CNTN4: variants seen among roughly 807,000 people sequenced by gnomAD.
The protein encoded by CNTN4 is contactin-4.
Under a neutral mutation model 122.5 loss-of-function variants are expected in CNTN4, and 77 were observed. The observed-to-expected ratio is 0.63, with a 90% CI of 0.52 to 0.76. The LOEUF (loss-of-function observed/expected upper bound fraction) is 0.76, where lower values mean the gene tolerates loss of function less well. Ranked by LOEUF, CNTN4 falls within the 30% of genes least tolerant of loss-of-function variation. The pLI, the probability that CNTN4 is intolerant of heterozygous loss-of-function variation, is 0.00. For missense variants in CNTN4, 1,256 were observed against 1,259.1 expected (o/e 1.00, Z 0.04); for synonymous variants, 512 against 447.0 (o/e 1.15, Z -1.83).
At chr3:3,004,722 C>T (rs1696441168) in intron 14 of CNTN4, among the ~76,000 whole-genome samples, 1 of 152,222 alleles carries the variant, frequency 6.6e-6, no homozygotes, top group African/African-American at 2.4e-5. Context: ...TAGTTACTCT[C>T]TTCTCTTGCT....
At chr3:2,632,686 A>G (rs927422365) in intron 4 of CNTN4, among the ~76,000 whole-genome samples, 3 of 152,142 alleles carry the variant, frequency 2.0e-5, no homozygotes, top group African/African-American at 7.2e-5. Context: ...AGAGATAAAG[A>G]CCTCACATTC....
Position 2,491,239 on chromosome 3 carries a change from G to A in CNTN4, c.-88-80177G>A, listed in dbSNP as rs565448273. Among the ~76,000 whole-genome samples, 40 of 152,258 alleles carry A rather than the reference G, an allele frequency of 2.6e-4. No homozygotes were observed. The South Asian group carries it at 8.1e-3, about 31-fold the overall frequency. ...ATTGTGAACAAATTCACCCCCAAATGTATGAATTTATGATTATCAATAGAA... is the reference window on the plus strand; with the variant it reads ...ATTGTGAACAAATTCACCCCCAAATATATGAATTTATGATTATCAATAGAA... On this transcript the variant is annotated intron_variant, in intron 3 of 24. Coordinates refer to ENST00000418658, the MANE Select transcript of CNTN4 (RefSeq NM_175607.3).
chr3:2,710,423 C>G (rs954878588), intron 4 of CNTN4, among the ~76,000 whole-genome samples: 22 of 152,292 alleles, frequency 1.4e-4, no homozygotes, highest in African/African-American at 5.3e-4. Context: ...CAGCTGCACC[C>G]AGAATTTCTT....
intron 4 of CNTN4, among the ~76,000 whole-genome samples, chr3:2,646,617 A>G (rs542793914): frequency 6.0e-4 from 91 of 152,318 alleles, no homozygotes; most frequent in Middle Eastern, 3.4e-3. Context: ...TAGTAAGTGT[A>G]AGAGTGTTTT....
At chr3:2,606,430 C>T (rs988475695) in intron 4 of CNTN4, among the ~76,000 whole-genome samples, 4 of 152,090 alleles carry the variant, frequency 2.6e-5, no homozygotes, top group Non-Finnish European at 4.4e-5. Flanking sequence ...TGCAGCAAAC[C>T]ATTATGGCAC....
chr3:2,811,150 C>G (rs2092597074), intron 6 of CNTN4, among the ~76,000 whole-genome samples: 1 of 152,032 alleles, frequency 6.6e-6, no homozygotes, highest in Non-Finnish European at 1.5e-5. Flanking sequence ...TGGCTCACAC[C>G]TGTAATCCCA....
intron 13 of CNTN4, among the ~76,000 whole-genome samples, chr3:2,980,069 C>T (rs1693814801): frequency 6.6e-6 from 1 of 152,150 alleles, no homozygotes; most frequent in African/African-American, 2.4e-5. Context: ...ATAGGACTGA[C>T]AATGTCAACT....
intron 7 of CNTN4, among the ~76,000 whole-genome samples, chr3:2,820,286 T>A (rs923977547): frequency 2.0e-5 from 3 of 152,184 alleles, no homozygotes; most frequent in African/African-American, 7.2e-5. Context: ...GAAAACAGTT[T>A]ACTTACATAC....
intron 2 of CNTN4, among the ~76,000 whole-genome samples, chr3:2,231,851 G>C (rs2039499714): frequency 6.6e-6 from 1 of 152,026 alleles, no homozygotes; most frequent in Non-Finnish European, 1.5e-5. Context: ...TATGCTAATT[G>C]CAATTCAGAT....
intron 3 of CNTN4, among the ~76,000 whole-genome samples, chr3:2,431,115 T>G (rs1167872455): frequency 6.6e-6 from 1 of 152,206 alleles, no homozygotes; most frequent in African/African-American, 2.4e-5. Context: ...TCAGAGATAT[T>G]CATTGTAGCT....
At chr3:2,744,067 A>G (rs2089619355) in intron 5 of CNTN4, among the ~76,000 whole-genome samples, 1 of 152,132 alleles carries the variant, frequency 6.6e-6, no homozygotes, top group African/African-American at 2.4e-5. Flanking sequence ...TGCCTGCTTC[A>G]GCCTCCCGAA....
chr3:2,944,626 A>T (rs1050603860), intron 13 of CNTN4, among the ~76,000 whole-genome samples: 11 of 152,238 alleles, frequency 7.2e-5, no homozygotes, highest in Non-Finnish European at 1.0e-4. Context: ...ATAATTTCAA[A>T]TTTCAAATGA....
intron 2 of CNTN4, among the ~76,000 whole-genome samples, chr3:2,212,605 C>A (rs967062289): frequency 6.6e-6 from 1 of 152,172 alleles, no homozygotes; most frequent in Non-Finnish European, 1.5e-5. Flanking sequence ...CTGGCCCTGC[C>A]CTTGGCACAT....
At chr3:2,208,309 A>G (rs993436675) in intron 2 of CNTN4, among the ~76,000 whole-genome samples, 3 of 152,168 alleles carry the variant, frequency 2.0e-5, no homozygotes, top group African/African-American at 7.2e-5. Context: ...TGACTTACAG[A>G]GGTTCAAGAT....
chr3:2,242,213 C>G (rs1178524), intron 2 of CNTN4, among the ~76,000 whole-genome samples: 150,690 of 152,250 alleles, frequency 0.99, 74,600 homozygotes, highest in Middle Eastern at 1. Flanking sequence ...CTTTGCTTCT[C>G]TAATGTATAT....
At position 3,040,030 on chromosome 3, in the gene CNTN4, T is replaced by C. The variant is rs781712594; in HGVS notation, c.2164-7T>C. 3.3e-5 allele frequency: 52 copies of C among 1,596,610 alleles called. No homozygotes were observed. The South Asian group carries it at 5.5e-4, about 17-fold the overall frequency. ...GATTTCTGAAGACCACCTTCCTTCT[T>C]TCCCAGACGGTCCCTGAGGAATTAC... On this transcript the variant is annotated splice_polypyrimidine_tract_variant and splice_region_variant and intron_variant, in intron 19 of 24. Transcript: ENST00000418658.
chr3:2,119,285 CTT>C (rs971516373), intron 2 of CNTN4, among the ~76,000 whole-genome samples: 21 of 152,302 alleles, frequency 1.4e-4, no homozygotes, highest in African/African-American at 4.6e-4. Flanking sequence ...TGGTGTGTCT[CTT>C]TCTTTCTGTC....
intron 13 of CNTN4, among the ~76,000 whole-genome samples, chr3:2,947,570 G>A (rs1164915901): frequency 6.6e-6 from 1 of 152,212 alleles, no homozygotes; most frequent in Non-Finnish European, 1.5e-5. Flanking sequence ...TGGAAACTCT[G>A]TGTTTTCTCT....
rs529479721 is a variant in CNTN4 at position 2,709,826 on chromosome 3, G to T, written c.56-26389G>T. Among the ~76,000 whole-genome samples, 1 of 151,942 alleles carries T rather than the reference G, an allele frequency of 6.6e-6. No individual in the cohort carries two copies. Among genetic ancestry groups the T allele is most frequent in the African/African-American group, 2.4e-5 (1 of 41,390 alleles). On this transcript the variant is annotated intron_variant, in intron 4 of 24. Coordinates refer to ENST00000418658, the MANE Select transcript of CNTN4 (RefSeq NM_175607.3). This position sits in a 1 kb window ranked among gnomAD's most constrained non-coding sequence, Gnocchi z 5.0. ...CTACTTGGGAGGCTGAGCCAGGAGA[G>T]CCCGGGAGTCCAGCAGTGAGCTGAG... is the stretch of plus-strand genomic sequence containing the variant.
Sources: gnomAD v4.1 joint callset for allele counts (sites outside exome capture counted in the v4.1 genomes callset) on GRCh38, gnomAD v4.1.1 for gene constraint, Gnocchi (gnomAD v3.1) non-coding constraint, MANE v1.5 for transcripts, NCBI Gene and HGNC (gene_info 2026-07-23, HGNC 2026-07-21) for gene names.